The following KIF13B variants were observed in gnomAD, a reference collection of about 807,000 sequenced individuals.
The protein encoded by KIF13B is kinesin family member 13B.
In KIF13B, 127 loss-of-function variants were observed where a neutral mutation model predicts 222.0. The ratio of observed to expected loss-of-function variants is 0.57; its 90% CI spans 0.50 to 0.66. The LOEUF is 0.66. Among genes scored for constraint, KIF13B ranks in the 30% least tolerant of loss-of-function variants. The probability of loss-of-function intolerance (pLI) is 0.00; values close to 1 mark genes in which losing one functional copy is unlikely to be tolerated. For synonymous variants in KIF13B, 976 were observed against 919.0 expected (o/e 1.06, Z -1.12); for missense variants, 2,173 against 2,379.0 (o/e 0.91, Z 1.80).
chr8:29,245,704 A>G (rs1477869328), intron 1 of KIF13B, among the ~76,000 whole-genome samples: 1 of 152,184 alleles, frequency 6.6e-6, no homozygotes, highest in East Asian at 1.9e-4. Flanking sequence ...TCTACTCACC[A>G]CTGTACTAGG....
chr8:29,116,028 C>G (rs143576108), intron 31 of KIF13B, among the ~76,000 whole-genome samples: 1 of 152,180 alleles, frequency 6.6e-6, no homozygotes. Flanking sequence ...TTGCCTGTTA[C>G]GTATCTACCT....
At chr8:29,138,272 G>A (rs1268939504) in intron 21 of KIF13B, among the ~76,000 whole-genome samples, 2 of 151,972 alleles carry the variant, frequency 1.3e-5, no homozygotes, top group African/African-American at 4.8e-5. Flanking sequence ...GAGGTGGAGG[G>A]TGCAGTGAGC....
chr8:29,161,051 CTAATTT>C (rs1203302524), intron 12 of KIF13B, among the ~76,000 whole-genome samples, 184 bp from the exon 13 acceptor site: 1 of 151,940 alleles, frequency 6.6e-6, no homozygotes, highest in African/African-American at 2.4e-5. Context: ...TTTGTTAATT[CTAATTT>C]TATTTTGAAA....
intron 26 of KIF13B, among the ~76,000 whole-genome samples, chr8:29,126,092 A>G (rs946778324): frequency 1.3e-5 from 2 of 152,158 alleles, no homozygotes; most frequent in African/African-American, 4.8e-5. Flanking sequence ...GTCACAAAAA[A>G]AAAAACAAAA....
intron 10 of KIF13B, among the ~76,000 whole-genome samples, chr8:29,173,105 C>T (rs963597403): frequency 2.0e-5 from 3 of 151,734 alleles, no homozygotes; most frequent in African/African-American, 7.3e-5. Flanking sequence ...AGTAGAGATG[C>T]GATTTCACCA....
chr8:29,172,052 T>C lies in KIF13B; in HGVS notation c.945+4016A>G, dbSNP rs187313297. On this transcript the variant is annotated intron_variant, in intron 10 of 39. Coordinates refer to ENST00000524189, the MANE Select transcript of KIF13B (RefSeq NM_015254.4). ...GGATTACAGGCCTCAGTGAGCCCCA[T>C]GCCCAGCCAGATCACATATATTTTC... 3.6e-3 allele frequency among the ~76,000 whole-genome samples: 534 copies of C among 148,244 alleles called. 6 individuals carry two copies. Among genetic ancestry groups the C allele is most frequent in the African/African-American group, 0.013 (510 of 40,538 alleles).
intron 8 of KIF13B, among the ~76,000 whole-genome samples, chr8:29,179,109 C>T (rs1279028236): frequency 1.3e-5 from 2 of 149,578 alleles, no homozygotes; most frequent in African/African-American, 4.9e-5. Flanking sequence ...GCAAAAGAAC[C>T]TCTGCTAAAT....
rs1314940224 is a variant in KIF13B at position 29,155,905 on chromosome 8, A to G, written c.1405-49T>C. ...ATTAATACTGTATTCTTACATATACACAATTGAAATCATTTACACTGAGCC... is the reference window on the plus strand; with the variant it reads ...ATTAATACTGTATTCTTACATATACGCAATTGAAATCATTTACACTGAGCC... On this transcript the variant is annotated intron_variant, in intron 13 of 39. Transcript: ENST00000524189. 3 of 1,421,652 alleles carry G rather than the reference A, an allele frequency of 2.1e-6. 1 individual carries two copies. Among genetic ancestry groups the G allele is most frequent in the South Asian group, 1.2e-5 (1 of 81,344 alleles). The allele number at this position is 1,421,652 out of a possible 1,614,324, so 88.1% of individuals were successfully genotyped here.
intron 2 of KIF13B, among the ~76,000 whole-genome samples, chr8:29,199,574 CA>C (rs10579222): frequency 0.041 from 4,896 of 119,364 alleles, 90 homozygotes; most frequent in African/African-American, 0.068. Flanking sequence ...TTCCAAAATC[CA>C]AAAAAAAAAA....
rs1810388117 is a variant in KIF13B, at chr8:29,132,458, G to A, written c.2792C>T (p.Ser931Phe). ...MVVFDHCNEF[S>F]VNITEDFIEH... ...GATAAAGTCTTCGGTGATGTTAACA[G>A]AAAACTCCTGAAACACAACAGCTAA... Residue 931 changes from serine (S) to phenylalanine (F), a missense_variant, in exon 23 of 40, where the codon TCT becomes TTT. Physicochemically the swap from Ser to Phe is radical, Grantham distance 155. Coordinates refer to ENST00000524189, the MANE Select transcript of KIF13B (RefSeq NM_015254.4). 1 of 1,506,110 alleles carries A rather than the reference G, an allele frequency of 6.6e-7. No homozygotes were observed. The highest frequency in any genetic ancestry group is 8.9e-7 in the Non-Finnish European group (1 of 1,122,298). The allele number at this position is 1,506,110 out of a possible 1,614,324, so 93.3% of individuals were successfully genotyped here.
At chr8:29,107,531 A>G (rs889275892) in intron 35 of KIF13B, among the ~76,000 whole-genome samples, 3 of 150,480 alleles carry the variant, frequency 2.0e-5, no homozygotes, top group African/African-American at 7.3e-5. Flanking sequence ...ATCATCACAC[A>G]CACACACACA....
intron 2 of KIF13B, among the ~76,000 whole-genome samples, chr8:29,203,818 C>T (rs1309133805): frequency 2.3e-5 from 3 of 131,542 alleles, no homozygotes; most frequent in African/African-American, 5.7e-5. Flanking sequence ...TGCTTGAAGC[C>T]GGGAGGCGGA....
At chr8:29,115,965 TCAC>T (rs1045231839) in intron 31 of KIF13B, among the ~76,000 whole-genome samples, 3 of 152,200 alleles carry the variant, frequency 2.0e-5, no homozygotes, top group African/African-American at 7.2e-5. Flanking sequence ...ACCTGCATTC[TCAC>T]CACAAGTGAT....
chr8:29,224,142 C>T (rs1340342662), intron 2 of KIF13B, among the ~76,000 whole-genome samples: 2 of 149,160 alleles, frequency 1.3e-5, no homozygotes, highest in Admixed American at 6.8e-5. Flanking sequence ...CAGGCACCCG[C>T]CACCACGCCC....
chr8:29,163,640 C>T (rs369428202), intron 12 of KIF13B, among the ~76,000 whole-genome samples: 1 of 152,092 alleles, frequency 6.6e-6, no homozygotes, highest in Admixed American at 6.5e-5. Flanking sequence ...GATCAAGAGA[C>T]CAGGTTTCTT....
chr8:29,188,336 AT>A (rs1260602711), intron 5 of KIF13B, among the ~76,000 whole-genome samples, 178 bp downstream of exon 5: 1 of 152,220 alleles, frequency 6.6e-6, no homozygotes, highest in African/African-American at 2.4e-5. Flanking sequence ...AAAGATCCCA[AT>A]CCTAATTTTA....
intron 37 of KIF13B, among the ~76,000 whole-genome samples, chr8:29,084,522 C>G (rs1238397509): frequency 6.6e-6 from 1 of 152,154 alleles, no homozygotes; most frequent in Non-Finnish European, 1.5e-5. Flanking sequence ...AAAAATATCC[C>G]TGCTGTTGAT....
At chr8:29,074,321 C>T (rs940923313) in intron 38 of KIF13B, among the ~76,000 whole-genome samples, 1 of 152,218 alleles carries the variant, frequency 6.6e-6, no homozygotes, top group Non-Finnish European at 1.5e-5. Flanking sequence ...AAGGCAGGCA[C>T]TGGGGGCAGA....
At chr8:29,221,440 G>A (rs1814746879) in intron 2 of KIF13B, among the ~76,000 whole-genome samples, 1 of 150,644 alleles carries the variant, frequency 6.6e-6, no homozygotes, top group Admixed American at 6.6e-5. Flanking sequence ...ACTCCAGCTT[G>A]GGCAACAGAG....
Sources: allele counts gnomAD v4.1 joint callset (sites outside exome capture counted in the v4.1 genomes callset), GRCh38; gene constraint gnomAD v4.1.1; transcripts MANE v1.5; gene names NCBI Gene and HGNC (gene_info 2026-07-23, HGNC 2026-07-21).